The following DBI variants were observed in gnomAD, a reference collection of about 807,000 sequenced individuals.
The protein encoded by DBI is diazepam binding inhibitor, acyl-CoA binding protein.
In DBI, 12 loss-of-function variants were observed where a neutral mutation model predicts 13.0. The ratio of observed to expected loss-of-function variants is 0.92; its 90% confidence interval spans 0.59 to 1.49. The LOEUF is 1.49. Among genes scored for constraint, DBI ranks in the 40% most tolerant of loss-of-function variants. The probability of loss-of-function intolerance (pLI) is 0.00; values close to 1 mark genes in which losing one functional copy is unlikely to be tolerated. For synonymous variants in DBI, 37 were observed against 37.4 expected, an observed-to-expected ratio of 0.99 and a Z score of 0.04; for missense variants, 95 against 104.8, an observed-to-expected ratio of 0.91 and a Z score of 0.41.
intron 2 of DBI, chr2:119,368,727 C>T (rs146969464): frequency 5.6e-6 from 1 of 180,068 alleles, no homozygotes; most frequent in Non-Finnish European, 1.2e-5. Context: ...CACCTGGTTT[C>T]TTGGGCTAGG....
At position 119,367,883 on chromosome 2, in the gene DBI, T is replaced by G. The variant is rs369208882; in HGVS notation, c.10-305T>G. On this transcript the variant is annotated intron_variant, in intron 1 of 3. Coordinates refer to ENST00000355857, the MANE Select transcript of DBI (RefSeq NM_001079862.4). ...GGGGACCCCCACTGGGGGCGAAGGC[T>G]TGGCCTGCCCTCTTCACTGCTGTAT... 1.6e-4 allele frequency: 265 copies of G among 1,614,216 alleles called. 1 individual carries two copies. The African/African-American group carries it at 3.1e-3, about 19-fold the overall frequency.
Position 119,372,319 on chromosome 2 carries a change from G to A in DBI, c.*1G>A, listed in dbSNP as rs751511709. The A allele has an allele frequency of 6.2e-7, 1 of 1,609,110 alleles. No individual in the cohort carries two copies. Among genetic ancestry groups the A allele is most frequent in the Non-Finnish European group, 8.5e-7 (1 of 1,175,556 alleles). ...GCTAAAGAAAAAATACGGGATATGA[G>A]AGACTGGATTTGGTTACTGTGCCAT... is the stretch of plus-strand genomic sequence containing the variant. On this transcript the variant is annotated 3_prime_UTR_variant, in exon 4 of 4. Transcript: ENST00000355857.
rs1295908369 is a variant in DBI, at chr2:119,372,232, C to T, written c.191-13C>T. Reference sequence around the variant, plus strand: ...CTACCTCCCTGACACATAATCCTGTCGATTCCTTACAGGGACTTCCAAGGA... The same window carrying T: ...CTACCTCCCTGACACATAATCCTGTTGATTCCTTACAGGGACTTCCAAGGA... On this transcript the variant is annotated splice_polypyrimidine_tract_variant and intron_variant, in intron 3 of 3. Coordinates refer to ENST00000355857, the MANE Select transcript of DBI (RefSeq NM_001079862.4). 9.3e-6 allele frequency: 15 copies of T among 1,607,632 alleles called. No individual in the cohort carries two copies. Among genetic ancestry groups the T allele is most frequent in the East Asian group, 4.5e-5 (2 of 44,846 alleles).
intron 1 of DBI, chr2:119,367,306 G>T: frequency 2.1e-6 from 3 of 1,436,844 alleles, no homozygotes; most frequent in Non-Finnish European, 2.7e-6. Context: ...TCGCTGTGTA[G>T]CGGGAGAGGG....
chr2:119,367,814 C>CCACCA, intron 1 of DBI: 2 of 1,612,444 alleles, frequency 1.2e-6, no homozygotes, highest in Admixed American at 3.3e-5. Context: ...TAGTGCCTGG[C>CCACCA]CCGGTGGTGG....
At chr2:119,367,921 T>C (rs776301227) in intron 1 of DBI, 2 of 1,614,258 alleles carry the variant, frequency 1.2e-6, no homozygotes, top group Non-Finnish European at 1.7e-6. Context: ...CCAGACCTGA[T>C]GCCTGCGTTT....
intron 2 of DBI, 69 bp downstream of exon 2, chr2:119,368,374 C>T: frequency 1.7e-6 from 2 of 1,164,862 alleles, no homozygotes; most frequent in Non-Finnish European, 1.3e-6. Flanking sequence ...ACTGGAAGTC[C>T]CTGGGAACTT....
In DBI at chr2:119,368,285, C is replaced by T. The variant is rs754497166; in HGVS notation, c.107C>T (p.Thr36Ile). Residue 36 changes from threonine to isoleucine, a missense_variant, in exon 2 of 4, where the codon ACT becomes ATT. Coordinates refer to ENST00000355857, the MANE Select transcript of DBI (RefSeq NM_001079862.4). ...ATCTATGGCCACTACAAACAAGCAA[C>T]TGTGGGCGACATAAATACAGGTATG... ...LFIYGHYKQA[T>I]VGDINTERPG... 8 of 1,613,794 alleles carry T rather than the reference C, an allele frequency of 5.0e-6. No individual in the cohort carries two copies. The South Asian group carries it at 8.8e-5, about 18-fold the overall frequency.
At chr2:119,367,757 C>A (rs956187083) in intron 1 of DBI, 46 of 1,607,630 alleles carry the variant, frequency 2.9e-5, no homozygotes, top group Non-Finnish European at 3.7e-5. Context: ...CATACTGTGC[C>A]CCGTCTGTCC....
intron 1 of DBI, chr2:119,367,467 A>G: frequency 6.3e-7 from 1 of 1,588,210 alleles, no homozygotes; most frequent in South Asian, 1.1e-5. Context: ...CTTGGAGGTC[A>G]GGGGAAGTAC....
chr2:119,371,499 T>A (rs776717415), intron 3 of DBI, among the ~76,000 whole-genome samples: 8 of 152,206 alleles, frequency 5.3e-5, no homozygotes, highest in Non-Finnish European at 1.0e-4. Context: ...TGCAAGTAAC[T>A]GGGAAGGGAA....
At position 119,370,772 on chromosome 2, in the gene DBI, G is replaced by A. The variant is rs760167333; in HGVS notation, c.160G>A (p.Ala54Thr). The A allele has an allele frequency of 6.2e-7, 1 of 1,614,070 alleles. No homozygotes were observed. Among genetic ancestry groups the A allele is most frequent in the South Asian group, 1.1e-5 (1 of 91,062 alleles). ...CGGGATGTTGGACTTCACGGGCAAG[G>A]CCAAGTGGGATGCCTGGAATGAGCT... The part of the protein sequence containing the change: ...RPGMLDFTGK[A>T]KWDAWNELKG... Residue 54 changes from alanine to threonine, a missense_variant, in exon 3 of 4, where the codon GCC (alanine) becomes ACC (threonine). By Grantham distance (58) the Ala-to-Thr change is moderately conservative (BLOSUM62 0). Transcript: ENST00000355857.
rs1257012524 is a variant in DBI, at chr2:119,372,282, C to T, written c.228C>T (p.Asn76=). ...SKEDAMKAYI[N]KVEELKKKYG... is the part of the protein sequence containing the mutation. ...AAGATGCCATGAAAGCTTACATCAA[C>T]AAAGTAGAAGAGCTAAAGAAAAAAT... Residue 76 remains asparagine, a synonymous_variant, in exon 4 of 4, where the codon AAC becomes AAT. Coordinates refer to ENST00000355857, the MANE Select transcript of DBI (RefSeq NM_001079862.4). 11 of 1,613,660 alleles carry T rather than the reference C, an allele frequency of 6.8e-6. No homozygotes were observed. The Middle Eastern group carries it at 4.9e-4, about 73-fold the overall frequency.
intron 1 of DBI, chr2:119,367,611 G>A (rs561008955): frequency 2.5e-6 from 4 of 1,613,982 alleles, no homozygotes; most frequent in East Asian, 2.2e-5. Context: ...GGCTCCTCCC[G>A]CCTGCCTCTG....
At chr2:119,369,357 C>T (rs1681347895) in intron 2 of DBI, among the ~76,000 whole-genome samples, 1 of 152,206 alleles carries the variant, frequency 6.6e-6, no homozygotes, top group South Asian at 2.1e-4. Context: ...GCATAGGAAT[C>T]TATCACTTAC....
chr2:119,368,614 T>A, intron 2 of DBI: 4 of 282,264 alleles, frequency 1.4e-5, no homozygotes, highest in Non-Finnish European at 2.8e-5. Context: ...GTAGTATCAT[T>A]GTTGAGCCGT....
rs764694932 is a variant in DBI at position 119,367,390 on chromosome 2, C to G, written c.9+330C>G. On this transcript the variant is annotated intron_variant, in intron 1 of 3. Coordinates refer to ENST00000355857, the MANE Select transcript of DBI (RefSeq NM_001079862.4). ...GATTGGAGGAGCGAGGAGACTCAGT[C>G]CCCATCCCGAAGCACAGGGCAGGAC... The G allele has an allele frequency of 4.1e-6, 6 of 1,471,584 alleles. No homozygotes were observed. The Admixed American group carries it at 1.4e-4, about 35-fold the overall frequency. 91.2% of individuals were successfully genotyped at this position (1,471,584 alleles called of 1,614,324 possible).
chr2:119,367,244 T>G lies in DBI; in HGVS notation c.9+184T>G, dbSNP rs931600852. 2.8e-6 allele frequency: 4 copies of G among 1,438,544 alleles called. No individual in the cohort carries two copies. The African/African-American group carries it at 5.7e-5, about 21-fold the overall frequency. The allele number at this position is 1,438,544 out of a possible 1,614,324, so 89.1% of individuals were successfully genotyped here. A position where few individuals can be genotyped will look rare whatever the true frequency, so the allele number is the denominator to read the frequency against. On this transcript the variant is annotated intron_variant, in intron 1 of 3. Transcript: ENST00000355857. ...GCGGGATTTTCCGTTTGGGGATTTC[T>G]AAATCTGCTGCCCACCCCGCAACTG...
At chr2:119,369,641 C>T (rs1027691840) in intron 2 of DBI, among the ~76,000 whole-genome samples, 6 of 152,100 alleles carry the variant, frequency 3.9e-5, no homozygotes, top group Non-Finnish European at 5.9e-5. Flanking sequence ...CAAAAATTAG[C>T]TGGGCATGGT....
Sources: gnomAD v4.1 joint callset for allele counts (sites outside exome capture counted in the v4.1 genomes callset) on GRCh38, gnomAD v4.1.1 for gene constraint, MANE v1.5 for transcripts, NCBI Gene and HGNC (gene_info 2026-07-23, HGNC 2026-07-21) for gene names.